MEF2C: variants seen among roughly 807,000 people sequenced by gnomAD.
MEF2C encodes myocyte enhancer factor 2C.
In MEF2C, 6 loss-of-function variants were observed where a neutral mutation model predicts 50.5. The ratio of observed to expected loss-of-function variants is 0.12; its 90% CI spans 0.07 to 0.23. The LOEUF (loss-of-function observed/expected upper bound fraction) is 0.23. Ranked by LOEUF, MEF2C falls within the 10% of genes least tolerant of loss-of-function variation. MEF2C has a pLI of 1.00. For missense variants in MEF2C, 276 were observed against 605.0 expected, an observed-to-expected ratio of 0.46 and a Z score of 5.70; for synonymous variants, 183 against 228.0, an observed-to-expected ratio of 0.80 and a Z score of 1.78.
intron 6 of MEF2C, among the ~76,000 whole-genome samples, chr5:88,747,370 A>G: frequency 6.1e-5 from 1 of 16,522 alleles, no homozygotes; most frequent in Non-Finnish European, 1.2e-4. Flanking sequence ...TTTTTTTGAG[A>G]CGGAGTCTCG....
Position 88,769,999 on chromosome 5 carries a change from G to T in MEF2C, c.259-8671C>A, listed in dbSNP as rs570697535. ...AAGAAAAGAAAGGCTGGAATGCAAA[G>T]AATCAAGTTGTAGGTTGTTTTGAAG... is the stretch of plus-strand genomic sequence containing the variant. On this transcript the variant is annotated intron_variant, in intron 3 of 10. Coordinates refer to ENST00000504921, the MANE Select transcript of MEF2C (RefSeq NM_002397.5). 35 of 985,348 alleles carry T rather than the reference G, an allele frequency of 3.6e-5. No individual in the cohort carries two copies. In the African/African-American group the frequency reaches 5.4e-4, roughly 15 times the overall value. The allele number at this position is 985,348 out of a possible 1,614,324, so 61.0% of individuals were successfully genotyped here.
intron 1 of MEF2C, among the ~76,000 whole-genome samples, chr5:88,861,041 C>T (rs557982760): frequency 1.8e-4 from 27 of 152,052 alleles, no homozygotes; most frequent in Admixed American, 1.1e-3. Flanking sequence ...CGGCTGGTCT[C>T]ACAGATGAAA....
Position 88,730,937 on chromosome 5 carries a change from A to G in MEF2C, c.811-703T>C, listed in dbSNP as rs566662025. Among the ~76,000 whole-genome samples the G allele has an allele frequency of 2.6e-5, 4 of 152,300 alleles. No homozygotes were observed. In the East Asian group the frequency reaches 7.7e-4, roughly 29 times the overall value. ...AACGTTCTTGCTCTTAAGCAAAGCTAATTTGTAGAACACTGATGTAAGTCT... is the reference window on the plus strand; with the variant it reads ...AACGTTCTTGCTCTTAAGCAAAGCTGATTTGTAGAACACTGATGTAAGTCT... On this transcript the variant is annotated intron_variant, in intron 7 of 10. Transcript: ENST00000504921.
At chr5:88,880,783 G>A (rs1832601198) in intron 1 of MEF2C, 1 of 151,714 alleles carries the variant, frequency 6.6e-6, no homozygotes, top group African/African-American at 2.4e-5. Flanking sequence ...GTATTAATGT[G>A]CTTCTCTCTT....
chr5:88,811,844 C>T (rs28413576), intron 2 of MEF2C, among the ~76,000 whole-genome samples: 67 of 152,092 alleles, frequency 4.4e-4, no homozygotes, highest in African/African-American at 1.5e-3. Flanking sequence ...TGGGGCAGTA[C>T]AATGTAGAAA....
chr5:88,770,758 C>T (rs1441337720), intron 3 of MEF2C, among the ~76,000 whole-genome samples: 1 of 152,156 alleles, frequency 6.6e-6, no homozygotes, highest in Non-Finnish European at 1.5e-5. Flanking sequence ...TCCCACCTTC[C>T]AGTCAATCTT....
intron 3 of MEF2C, chr5:88,780,756 A>G: frequency 1.0e-6 from 1 of 985,096 alleles, no homozygotes; most frequent in Non-Finnish European, 1.2e-6. Context: ...TTTTTGTGTC[A>G]GAAGAGAAAC....
In MEF2C at chr5:88,889,759, C is replaced by G. The variant is rs75957792; in HGVS notation, c.-239-2161G>C. Among the ~76,000 whole-genome samples the G allele has an allele frequency of 4.7e-3, 717 of 152,048 alleles. 7 individuals carry two copies. The highest frequency in any genetic ancestry group is 0.016 in the African/African-American group (676 of 41,456). ...GCTGTGGGTGGACTGTGGAAACGGG[C>G]GGTGGCAGTGCCGGGGTAGTTGTCC... On this transcript the variant is annotated intron_variant, in intron 1 of 11. Coordinates refer to the MEF2C transcript ENST00000340208.
intron 1 of MEF2C, chr5:88,824,439 T>C (rs902530194): frequency 9.3e-6 from 7 of 750,342 alleles, no homozygotes; most frequent in Admixed American, 6.3e-5. Context: ...ATTTGATATA[T>C]GTAAATGTCA....
intron 6 of MEF2C, chr5:88,735,927 T>C (rs995526248): frequency 4.1e-6 from 4 of 985,248 alleles, no homozygotes; most frequent in Non-Finnish European, 3.6e-6. Flanking sequence ...TCTTCACTTG[T>C]TTCTTTTTCT....
chr5:88,888,142 T>C (rs1348673937), upstream of MEF2C: 3 of 152,264 alleles, frequency 2.0e-5, no homozygotes, highest in Non-Finnish European at 4.4e-5. Context: ...TCAGTACGGT[T>C]TATAAATTCT....
At chr5:88,808,096 G>A (rs908971139) in intron 2 of MEF2C, among the ~76,000 whole-genome samples, 2 of 151,962 alleles carry the variant, frequency 1.3e-5, no homozygotes, top group Non-Finnish European at 2.9e-5. Context: ...ATTAAGGATG[G>A]GCTGAAAACC....
At chr5:88,783,116 G>A (rs1788972820) in intron 3 of MEF2C, among the ~76,000 whole-genome samples, 1 of 152,110 alleles carries the variant, frequency 6.6e-6, no homozygotes, top group South Asian at 2.1e-4. Context: ...AATCATGGCT[G>A]CCTGTCCTGA....
intron 2 of MEF2C, among the ~76,000 whole-genome samples, chr5:88,811,764 C>T (rs1200168360): frequency 6.6e-6 from 1 of 151,982 alleles, no homozygotes; most frequent in Non-Finnish European, 1.5e-5. Flanking sequence ...AAATAATTAT[C>T]CAGATTGATA....
At chr5:88,903,183 A>G (rs920802940) in intron 1 of MEF2C, among the ~76,000 whole-genome samples, 17 of 151,838 alleles carry the variant, frequency 1.1e-4, no homozygotes, top group African/African-American at 3.9e-4. Flanking sequence ...TAAAAAATAT[A>G]TAAATATACG....
intron 3 of MEF2C, among the ~76,000 whole-genome samples, chr5:88,784,256 A>T (rs1789685779): frequency 6.6e-6 from 1 of 152,216 alleles, no homozygotes; most frequent in Non-Finnish European, 1.5e-5. Flanking sequence ...ATCCACAATG[A>T]TTTGGAGGTA....
chr5:88,862,406 C>T (rs1354777873), intron 1 of MEF2C, among the ~76,000 whole-genome samples: 1 of 152,098 alleles, frequency 6.6e-6, no homozygotes, highest in African/African-American at 2.4e-5. Flanking sequence ...CTTATAAGAT[C>T]ATGGTTTGCT....
chr5:88,877,524 T>C (rs917164240), intron 1 of MEF2C, among the ~76,000 whole-genome samples: 8 of 152,044 alleles, frequency 5.3e-5, no homozygotes, highest in African/African-American at 1.9e-4. Context: ...ATCTTATTTT[T>C]ACAATGGTAT....
chr5:88,824,252 C>T lies in MEF2C; in HGVS notation c.-142-322G>A, dbSNP rs1384819934. ...TAATCTTTTTAATGAAATTAGGTGA[C>T]AATTTCACCCGTTATGAAAAATTAC... On this transcript the variant is annotated intron_variant, in intron 1 of 10. Coordinates refer to ENST00000504921, the MANE Select transcript of MEF2C (RefSeq NM_002397.5). 6 of 948,564 alleles carry T rather than the reference C, an allele frequency of 6.3e-6. No homozygotes were observed. In the South Asian group the frequency reaches 1.5e-4, roughly 23 times the overall value. 58.8% of individuals were successfully genotyped at this position (948,564 alleles called of 1,614,324 possible).
Sources: allele counts gnomAD v4.1 joint callset (sites outside exome capture counted in the v4.1 genomes callset), GRCh38; gene constraint gnomAD v4.1.1; transcripts MANE v1.5; gene names NCBI Gene and HGNC (gene_info 2026-07-23, HGNC 2026-07-21).